The following DBF4 variants were observed in gnomAD, a reference collection of about 807,000 sequenced individuals.
DBF4 encodes the protein DBF4-CDC7 kinase regulatory subunit.
Under a neutral mutation model 76.6 loss-of-function variants are expected in DBF4, and 25 were observed. That is an observed-to-expected ratio of 0.33 (90% CI 0.24 to 0.46). The LOEUF (loss-of-function observed/expected upper bound fraction) is 0.46. Ranked by LOEUF, DBF4 falls within the 20% of genes least tolerant of loss-of-function variation. The probability of loss-of-function intolerance (pLI) is 1.00; values close to 1 mark genes in which losing one functional copy is unlikely to be tolerated. For missense variants in DBF4, 638 were observed against 760.8 expected, an observed-to-expected ratio of 0.84 and a Z score of 1.90; for synonymous variants, 213 against 258.0, an observed-to-expected ratio of 0.83 and a Z score of 1.67.
intron 7 of DBF4, 125 bp from the exon 8 acceptor site, chr7:87,897,169 T>C (rs1476228788): frequency 2.3e-5 from 19 of 839,754 alleles, no homozygotes; most frequent in Non-Finnish European, 3.5e-5. Context: ...CATCTGAGGC[T>C]TAAAACTTTA....
At chr7:87,880,028 A>G (rs1839173512) in intron 2 of DBF4, among the ~76,000 whole-genome samples, 1 of 152,130 alleles carries the variant, frequency 6.6e-6, no homozygotes, top group African/African-American at 2.4e-5. Context: ...ATGATGAACA[A>G]CCCATTAACT....
At chr7:87,887,534 C>A in intron 5 of DBF4, 136 bp downstream of exon 5, 1 of 1,015,548 alleles carries the variant, frequency 9.8e-7, no homozygotes, top group Non-Finnish European at 1.4e-6. Flanking sequence ...TAACAGAATA[C>A]CTGAAACTGG....
chr7:87,888,178 G>A (rs1839407524), intron 6 of DBF4, 119 bp downstream of exon 6: 2 of 1,299,068 alleles, frequency 1.5e-6, no homozygotes, highest in Non-Finnish European at 2.0e-6. Flanking sequence ...TGATGTGCCT[G>A]TTTCTGTTAT....
In DBF4 at chr7:87,900,233, A is replaced by G. The variant is rs1306106299; in HGVS notation, c.693A>G (p.Pro231=). Residue 231 remains proline, a synonymous_variant, in exon 9 of 12, where the codon CCA becomes CCG. Coordinates refer to ENST00000265728, the MANE Select transcript of DBF4 (RefSeq NM_006716.4). ...KVEDMSQLYR[P]FYLQLTNMPF... is the part of the protein sequence containing the mutation. ...TTTATTCTTCTAGACTTTATAGGCC[A>G]TTTTATCTTCAGCTGACCAATATGC... is the stretch of plus-strand genomic sequence containing the variant. The G allele has an allele frequency of 6.3e-7, 1 of 1,594,434 alleles. No homozygotes were observed. The highest frequency in any genetic ancestry group is 8.6e-7 in the Non-Finnish European group (1 of 1,167,298).
Position 87,907,592 on chromosome 7 carries a change from A to G in DBF4, c.1454A>G (p.Asn485Ser). The G allele has an allele frequency of 3.7e-6, 6 of 1,614,140 alleles. No individual in the cohort carries two copies. Among genetic ancestry groups the G allele is most frequent in the Non-Finnish European group, 5.1e-6 (6 of 1,179,976 alleles). ...EELRVDHYKC[N>S]IQASVHVSDF... ...CTAAGGGTAGATCACTATAAATGTA[A>G]CATACAGGCATCTGTACATGTTTCT... The change falls in exon 12 of 12, where the codon AAC (asparagine) becomes AGC (serine). Residue 485 changes from asparagine (N) to serine (S), a missense_variant. Asn to Ser is a conservative substitution (Grantham distance 46, BLOSUM62 1). Coordinates refer to ENST00000265728, the MANE Select transcript of DBF4 (RefSeq NM_006716.4).
chr7:87,903,069 C>T (rs1252076550), intron 10 of DBF4, among the ~76,000 whole-genome samples: 2 of 151,868 alleles, frequency 1.3e-5, no homozygotes, highest in African/African-American at 2.4e-5. Context: ...TGGTTTTGAC[C>T]ACTCTTTTTG....
chr7:87,886,522 A>AAG, intron 3 of DBF4, among the ~76,000 whole-genome samples: 1 of 146,438 alleles, frequency 6.8e-6, no homozygotes, highest in East Asian at 2.0e-4. Context: ...GCGACACAGC[A>AAG]AGACTTTGTC....
chr7:87,893,399 C>G (rs1839545967), intron 6 of DBF4, among the ~76,000 whole-genome samples: 1 of 151,652 alleles, frequency 6.6e-6, no homozygotes, highest in South Asian at 2.1e-4. Flanking sequence ...GCGCCCGCCA[C>G]CGCGCCCGGC....
intron 3 of DBF4, among the ~76,000 whole-genome samples, chr7:87,886,212 A>G (rs1336194962): frequency 6.6e-6 from 1 of 152,164 alleles, no homozygotes; most frequent in Non-Finnish European, 1.5e-5. Context: ...TGGCATTTCA[A>G]CGAGTTTTCC....
chr7:87,892,553 C>T (rs528455864), intron 6 of DBF4, among the ~76,000 whole-genome samples: 1 of 152,264 alleles, frequency 6.6e-6, no homozygotes, highest in South Asian at 2.1e-4. Context: ...TATCCACGTG[C>T]AGGGTTTTTT....
intron 10 of DBF4, among the ~76,000 whole-genome samples, chr7:87,902,869 A>G (rs964694359): frequency 3.9e-5 from 6 of 152,240 alleles, no homozygotes; most frequent in African/African-American, 7.2e-5. Flanking sequence ...ATCAAAATGT[A>G]AAATTGCATG....
rs769438124 is a variant in DBF4 at position 87,907,249 on chromosome 7, C to G, written c.1111C>G (p.Gln371Glu). The change falls in exon 12 of 12, where the codon CAA (glutamine) becomes GAA (glutamate). Residue 371 changes from glutamine to glutamate, a missense_variant. Coordinates refer to ENST00000265728, the MANE Select transcript of DBF4 (RefSeq NM_006716.4). ...VSASVLKKTE[Q>E]KEKVELQHIS... ...TGCAAGTGTCCTGAAAAAGACTGAA[C>G]AAAAGGAAAAAGTGGAATTGCAACA... 7.4e-6 allele frequency: 12 copies of G among 1,613,072 alleles called. No homozygotes were observed. In the South Asian group the frequency reaches 1.2e-4, roughly 16 times the overall value.
chr7:87,890,327 T>G (rs1839452340), intron 6 of DBF4, among the ~76,000 whole-genome samples: 1 of 152,094 alleles, frequency 6.6e-6, no homozygotes, highest in Non-Finnish European at 1.5e-5. Context: ...TCACACGAGG[T>G]CAGGATACCA....
chr7:87,892,372 C>T (rs1488688013), intron 6 of DBF4, among the ~76,000 whole-genome samples: 1 of 152,140 alleles, frequency 6.6e-6, no homozygotes, highest in Non-Finnish European at 1.5e-5. Flanking sequence ...GCTTCTTTCA[C>T]TTGGTAATGC....
intron 8 of DBF4, among the ~76,000 whole-genome samples, chr7:87,898,251 G>T (rs1839688521): frequency 6.6e-6 from 1 of 152,150 alleles, no homozygotes; most frequent in Non-Finnish European, 1.5e-5. Context: ...GAAATGTGTT[G>T]CTGTGAAGAA....
chr7:87,904,837 G>A (rs1839877158), intron 11 of DBF4, among the ~76,000 whole-genome samples: 1 of 152,236 alleles, frequency 6.6e-6, no homozygotes, highest in Non-Finnish European at 1.5e-5. Context: ...TTTTCGGGAT[G>A]TAAATATGGT....
chr7:87,886,918 A>C (rs1476530516), intron 4 of DBF4, 24 bp downstream of exon 4: 1 of 1,418,056 alleles, frequency 7.1e-7, no homozygotes, highest in Non-Finnish European at 9.7e-7. Context: ...ATAAAGATTC[A>C]CATTGTACAT....
chr7:87,896,950 C>G (rs1240944740), intron 7 of DBF4, among the ~76,000 whole-genome samples: 1 of 152,070 alleles, frequency 6.6e-6, no homozygotes, highest in Admixed American at 6.5e-5. Context: ...GCAGGTACTG[C>G]GAATAGTGTG....
Position 87,907,805 on chromosome 7 carries a change from A to G in DBF4, c.1667A>G (p.Glu556Gly). The change falls in exon 12 of 12, where the codon GAG becomes GGG. Residue 556 changes from glutamate (E) to glycine (G), a missense_variant. Coordinates refer to ENST00000265728, the MANE Select transcript of DBF4 (RefSeq NM_006716.4). ...AAGGCTCCATTCCATACTCCTCCTG[A>G]GGAACCCAATGAATGTGACTTCAAG... ...QAKAPFHTPP[E>G]EPNECDFKNM... The G allele has an allele frequency of 1.2e-6, 2 of 1,614,048 alleles. No homozygotes were observed. The highest frequency in any genetic ancestry group is 1.7e-6 in the Non-Finnish European group (2 of 1,179,944).
Sources: gnomAD v4.1 joint callset for allele counts (sites outside exome capture counted in the v4.1 genomes callset) on GRCh38, gnomAD v4.1.1 for gene constraint, MANE v1.5 for transcripts, NCBI Gene and HGNC (gene_info 2026-07-23, HGNC 2026-07-21) for gene names.